The following ZNF146 variants were observed in gnomAD, a reference collection of about 807,000 sequenced individuals.
The protein encoded by ZNF146 is zinc finger protein OZF.
ZNF146 carries 9 observed loss-of-function variants against 22.2 expected under a neutral mutation model. That is an observed-to-expected ratio of 0.41 (90% CI 0.24 to 0.71). The LOEUF (loss-of-function observed/expected upper bound fraction) is 0.71, where lower values mean the gene tolerates loss of function less well. Ranked by LOEUF, ZNF146 falls within the 30% of genes least tolerant of loss-of-function variation. ZNF146 has a pLI of 0.34. For missense variants in ZNF146, 194 were observed against 344.8 expected, an observed-to-expected ratio of 0.56 and a Z score of 3.46; for synonymous variants, 108 against 119.2, an observed-to-expected ratio of 0.91 and a Z score of 0.61.
chr19:36,236,069 A>C lies in ZNF146; in HGVS notation c.-372A>C. The C allele has an allele frequency of 5.3e-6, 1 of 190,344 alleles. No individual in the cohort carries two copies. Among genetic ancestry groups the C allele is most frequent in the Non-Finnish European group, 1.1e-5 (1 of 92,586 alleles). The allele number at this position is 190,344 out of a possible 1,614,324, so 11.8% of individuals were successfully genotyped here. A position where few individuals can be genotyped will look rare whatever the true frequency, so the allele number is the denominator to read the frequency against. ...TGAATGTGGGGGAACTGTTACTCAT[A>C]TGTTGCATTTCGTCGAACGTGCAAG... On this transcript the variant is annotated 5_prime_UTR_variant, in exon 4 of 4. The change abolishes an upstream ATG in the 5' untranslated region. Coordinates refer to ENST00000443387, the MANE Select transcript of ZNF146 (RefSeq NM_007145.3).
chr19:36,226,387 C>T (rs1272877652), intron 2 of ZNF146, among the ~76,000 whole-genome samples: 1 of 152,192 alleles, frequency 6.6e-6, no homozygotes, highest in Non-Finnish European at 1.5e-5. Flanking sequence ...TTTCAACATA[C>T]ATAGTGGATG....
At chr19:36,235,218 AAAG>A (rs1042296793) in intron 3 of ZNF146, among the ~76,000 whole-genome samples, 18 of 140,574 alleles carry the variant, frequency 1.3e-4, no homozygotes, top group African/African-American at 2.0e-4. Flanking sequence ...AAAAAAAAAA[AAAG>A]AAGAAAGAAA....
At position 36,227,083 on chromosome 19, in the gene ZNF146, C is replaced by CA. The variant is rs758318352; in HGVS notation, c.-854-1652dup. Among the ~76,000 whole-genome samples, 646 of 141,160 alleles carry CA rather than the reference C, an allele frequency of 4.6e-3. 3 individuals carry two copies. Among genetic ancestry groups the CA allele is most frequent in the African/African-American group, 6.6e-3 (253 of 38,292 alleles). 92.6% of individuals were successfully genotyped at this position (141,160 alleles called of 152,430 possible). A position where few individuals can be genotyped will look rare whatever the true frequency, so the allele number is the denominator to read the frequency against. ...GGGCAACAAGAGTAAAACTCCATCTCAAAAAAAAAAAAATTTTTTTTTTGG... is the reference window on the plus strand; with the variant it reads ...GGGCAACAAGAGTAAAACTCCATCTCAAAAAAAAAAAAAATTTTTTTTTTGG... On this transcript the variant is annotated intron_variant, in intron 2 of 3. Transcript: ENST00000443387.
chr19:36,218,395 C>T (rs1215483094), intron 2 of ZNF146, among the ~76,000 whole-genome samples, 200 bp downstream of exon 2: 1 of 152,002 alleles, frequency 6.6e-6, no homozygotes, highest in African/African-American at 2.4e-5. Flanking sequence ...AATGCTTCCT[C>T]AGAAAATATT....
intron 3 of ZNF146, among the ~76,000 whole-genome samples, chr19:36,235,016 C>T (rs1977585241): frequency 6.6e-6 from 1 of 151,762 alleles, no homozygotes; most frequent in Admixed American, 6.6e-5. Flanking sequence ...GGAGGAAGCA[C>T]TTGTTGGTTG....
intron 3 of ZNF146, among the ~76,000 whole-genome samples, chr19:36,235,157 C>T (rs959668296): frequency 2.0e-5 from 3 of 150,664 alleles, no homozygotes; most frequent in Non-Finnish European, 3.0e-5. Flanking sequence ...TGCAGTGAGC[C>T]GAGATCGCAC....
At chr19:36,235,080 A>G (rs746086287) in intron 3 of ZNF146, among the ~76,000 whole-genome samples, 10 of 151,952 alleles carry the variant, frequency 6.6e-5, no homozygotes, top group Non-Finnish European at 1.0e-4. Context: ...ATGGTGGTGC[A>G]CACCTGTAAT....
rs1447150086 is a variant in ZNF146, at chr19:36,238,740, TTTTA to T, written c.*1424_*1427del. 2 of 167,090 alleles carry T rather than the reference TTTTA, an allele frequency of 1.2e-5. No homozygotes were observed. The highest frequency in any genetic ancestry group is 1.3e-4 in the Admixed American group (2 of 15,280). The allele number at this position is 167,090 out of a possible 1,614,324, so 10.4% of individuals were successfully genotyped here. A position where few individuals can be genotyped will look rare whatever the true frequency, so the allele number is the denominator to read the frequency against. ...CTCTATGTAATATGAAATTAATCTA[TTTTA>T]TTAAAATTTAAAAGGACAGCACAAT... is the stretch of plus-strand genomic sequence containing the variant. On this transcript the variant is annotated 3_prime_UTR_variant, in exon 4 of 4. Coordinates refer to ENST00000443387, the MANE Select transcript of ZNF146 (RefSeq NM_007145.3).
rs901231276 is a variant in ZNF146 at position 36,237,290 on chromosome 19, A to G, written c.850A>G (p.Ile284Val). 24 of 1,609,174 alleles carry G rather than the reference A, an allele frequency of 1.5e-5. No homozygotes were observed. Among genetic ancestry groups the G allele is most frequent in the Non-Finnish European group, 2.0e-5 (23 of 1,177,650 alleles). Residue 284 changes from isoleucine (I) to valine (V), a missense_variant, in exon 4 of 4, where the codon ATT becomes GTT. Ile to Val is a conservative substitution (Grantham distance 29). This residue lies in a region of ZNF146 where 147 missense variants were observed against 300.1 expected (regional missense o/e 0.49). Transcript: ENST00000443387. Reference sequence around the variant, plus strand: ...AGCTTTCAGCCAGAAGTCACACCACATTAGACACCAGAAAATTCATACTCA... The same window carrying G: ...AGCTTTCAGCCAGAAGTCACACCACGTTAGACACCAGAAAATTCATACTCA... The part of the protein sequence containing the change: ...GKAFSQKSHH[I>V]RHQKIHTH
chr19:36,225,180 G>C (rs1977014057), intron 2 of ZNF146, among the ~76,000 whole-genome samples: 1 of 151,994 alleles, frequency 6.6e-6, no homozygotes, highest in Non-Finnish European at 1.5e-5. Flanking sequence ...ATGCTGCCTG[G>C]GTCAGTGGGA....
At chr19:36,229,386 T>G (rs1455614577) in intron 3 of ZNF146, among the ~76,000 whole-genome samples, 1 of 152,180 alleles carries the variant, frequency 6.6e-6, no homozygotes, top group Non-Finnish European at 1.5e-5. Context: ...CTTTTATGTG[T>G]GGGGGTCTAT....
rs73614220 is a variant in ZNF146, at chr19:36,234,916, C to G, written c.-782-743C>G. ...ACTGGACAGTGCATGTTCAACTGTT[C>G]CTTACACTTTTTTTTCAGCCACCAT... On this transcript the variant is annotated intron_variant, in intron 3 of 3. Transcript: ENST00000443387. Among the ~76,000 whole-genome samples, 1,330 of 152,192 alleles carry G rather than the reference C, an allele frequency of 8.7e-3. 21 individuals are homozygous for G. The highest frequency in any genetic ancestry group is 0.031 in the African/African-American group (1,291 of 41,540).
At chr19:36,233,801 T>C (rs1234063233) in intron 3 of ZNF146, among the ~76,000 whole-genome samples, 1 of 152,242 alleles carries the variant, frequency 6.6e-6, no homozygotes, top group Non-Finnish European at 1.5e-5. Flanking sequence ...AATCCAGCTT[T>C]ACACGGAGAC....
intron 3 of ZNF146, among the ~76,000 whole-genome samples, chr19:36,234,798 TCA>T (rs1977576691): frequency 1.3e-5 from 2 of 152,208 alleles, no homozygotes; most frequent in South Asian, 4.1e-4. Context: ...TCCTGTCATC[TCA>T]TTTGCTGAAT....
In ZNF146 at chr19:36,225,481, A is replaced by G. The variant is rs532279645; in HGVS notation, c.-854-3267A>G. On this transcript the variant is annotated intron_variant, in intron 2 of 3. Coordinates refer to ENST00000443387, the MANE Select transcript of ZNF146 (RefSeq NM_007145.3). ...TCTTAAGTTCATTTTGTTATGTTTC[A>G]GTTTTCATCTGCTTTGTGATTCTTA... Among the ~76,000 whole-genome samples, 161 of 150,236 alleles carry G rather than the reference A, an allele frequency of 1.1e-3. 2 individuals are homozygous for G. The highest frequency in any genetic ancestry group is 3.8e-3 in the African/African-American group (156 of 41,120).
intron 2 of ZNF146, among the ~76,000 whole-genome samples, chr19:36,221,284 CTT>C (rs74172797): frequency 3.0e-5 from 3 of 98,682 alleles, no homozygotes; most frequent in East Asian, 2.9e-4. Flanking sequence ...TAAGGGACTG[CTT>C]TTTTTTTTTT....
chr19:36,224,829 G>T (rs1977001186), intron 2 of ZNF146, among the ~76,000 whole-genome samples: 1 of 152,056 alleles, frequency 6.6e-6, no homozygotes, highest in Non-Finnish European at 1.5e-5. Context: ...GGGTCCTCTA[G>T]GGTGTTTTAA....
At chr19:36,235,567 T>G (rs1170852010) in intron 3 of ZNF146, 92 bp from the exon 4 acceptor site, 1 of 152,178 alleles carries the variant, frequency 6.6e-6, no homozygotes, top group Non-Finnish European at 1.5e-5. Flanking sequence ...AATATAAAGG[T>G]AAAATGAAGG....
intron 1 of ZNF146, among the ~76,000 whole-genome samples, chr19:36,216,469 T>C (rs947112317): frequency 2.0e-5 from 3 of 151,950 alleles, no homozygotes; most frequent in South Asian, 4.2e-4. Flanking sequence ...GGTGAAACCC[T>C]GTCTCTACTA....
Sources: allele counts gnomAD v4.1 joint callset (sites outside exome capture counted in the v4.1 genomes callset), GRCh38; gene constraint gnomAD v4.1.1; regional missense constraint gnomAD v4.1.1; transcripts MANE v1.5; gene names NCBI Gene and HGNC (gene_info 2026-07-23, HGNC 2026-07-21).